The following PEX14 variants were observed in gnomAD, a reference collection of about 807,000 sequenced individuals.
PEX14 encodes peroxisomal membrane protein PEX14.
A neutral mutation model predicts 49.5 loss-of-function variants in PEX14; 15 were observed. The observed-to-expected ratio is 0.30, with a 90% confidence interval of 0.20 to 0.47. The LOEUF is 0.47. PEX14 is among the 20% of genes least tolerant of loss of function. The probability of loss-of-function intolerance (pLI) is 1.00; values close to 1 mark genes in which losing one functional copy is unlikely to be tolerated. For synonymous variants in PEX14, 210 were observed against 212.7 expected (o/e 0.99, Z 0.11); for missense variants, 398 against 494.8 (o/e 0.80, Z 1.86).
chr1:10,532,804 A>G (rs1334597461), intron 2 of PEX14, among the ~76,000 whole-genome samples: 2 of 152,202 alleles, frequency 1.3e-5, no homozygotes, highest in Admixed American at 6.5e-5. Context: ...ATCGAATCCA[A>G]CAAAAGCGTG....
intron 1 of PEX14, among the ~76,000 whole-genome samples, chr1:10,479,462 T>G (rs576423466): frequency 6.6e-6 from 1 of 152,168 alleles, no homozygotes; most frequent in Non-Finnish European, 1.5e-5. Context: ...TGATCTCTCA[T>G]TGAAGTCCTT....
At chr1:10,523,746 C>T (rs527665014) in intron 2 of PEX14, among the ~76,000 whole-genome samples, 2 of 150,678 alleles carry the variant, frequency 1.3e-5, no homozygotes. Flanking sequence ...TGTGTTTGCA[C>T]TCAAGACTAT....
In PEX14 at chr1:10,590,538, A is replaced by C. The variant is rs184172681; in HGVS notation, c.170-8700A>C. Among the ~76,000 whole-genome samples the C allele has an allele frequency of 4.6e-5, 7 of 152,320 alleles. No individual in the cohort carries two copies. The East Asian group carries it at 1.3e-3, about 29-fold the overall frequency. ...GAAACAGACAAAACTCATTCAACGTAAGAAACTGGGGGGTAGGGGTCCTAG... is the reference window on the plus strand; with the variant it reads ...GAAACAGACAAAACTCATTCAACGTCAGAAACTGGGGGGTAGGGGTCCTAG... On this transcript the variant is annotated intron_variant, in intron 3 of 8. Transcript: ENST00000356607.
At chr1:10,533,490 C>A (rs78820699) in intron 2 of PEX14, among the ~76,000 whole-genome samples, 4,121 of 152,182 alleles carry the variant, frequency 0.027, 195 homozygotes, top group African/African-American at 0.093. Context: ...ATTTTTCTTG[C>A]TTTTTTAAAA....
At position 10,577,562 on chromosome 1, in the gene PEX14, ATTTTTTTTT is replaced by A. The variant is rs1164876121; in HGVS notation, c.170-21636_170-21628del. 6.9e-3 allele frequency among the ~76,000 whole-genome samples: 43 copies of A among 6,230 alleles called. 2 individuals are homozygous for A. Among genetic ancestry groups the A allele is most frequent in the African/African-American group, 0.017 (36 of 2,160 alleles). The allele number at this position is 6,230 out of a possible 152,430, so 4.1% of individuals were successfully genotyped here. ...TATATATATATATATATATATATATATTTTTTTTTTTTTTTTTTTTTTTTTTTTTTTTTT... is the reference window on the plus strand; with the variant it reads ...TATATATATATATATATATATATATATTTTTTTTTTTTTTTTTTTTTTTTT... On this transcript the variant is annotated intron_variant, in intron 3 of 8. Coordinates refer to ENST00000356607, the MANE Select transcript of PEX14 (RefSeq NM_004565.3).
At chr1:10,537,341 A>ACCC (rs34410254) in intron 3 of PEX14, among the ~76,000 whole-genome samples, 2,818 of 28,010 alleles carry the variant, frequency 0.1, 460 homozygotes, top group South Asian at 0.38. Flanking sequence ...TTGTGCCAGC[A>ACCC]CCCCCCCCCC....
At chr1:10,546,227 C>T (rs1639166878) in intron 3 of PEX14, among the ~76,000 whole-genome samples, 2 of 151,966 alleles carry the variant, frequency 1.3e-5, no homozygotes, top group Admixed American at 6.6e-5. Context: ...CATAAGAATT[C>T]GTGCATCAGG....
intron 3 of PEX14, among the ~76,000 whole-genome samples, chr1:10,567,950 C>T (rs1639855541): frequency 6.6e-6 from 1 of 152,132 alleles, no homozygotes. Flanking sequence ...TTCGTTACTA[C>T]TTTGAATGGG....
chr1:10,619,304 CCT>C (rs1182779556), intron 5 of PEX14, among the ~76,000 whole-genome samples: 4 of 151,724 alleles, frequency 2.6e-5, no homozygotes, highest in Non-Finnish European at 4.4e-5. Context: ...CTCCTCCACC[CCT>C]GATTGGTGAT....
intron 3 of PEX14, among the ~76,000 whole-genome samples, chr1:10,571,491 A>T (rs1409240470): frequency 6.6e-6 from 1 of 152,044 alleles, no homozygotes; most frequent in Non-Finnish European, 1.5e-5. Flanking sequence ...AATGTACTTA[A>T]TATTGCTGAA....
chr1:10,610,635 G>A (rs907942712), intron 4 of PEX14, among the ~76,000 whole-genome samples: 8 of 152,080 alleles, frequency 5.3e-5, no homozygotes, highest in East Asian at 3.9e-4. Flanking sequence ...ATAGGCATGC[G>A]CTACCACGCC....
chr1:10,521,248 C>G (rs1359546796), intron 2 of PEX14, among the ~76,000 whole-genome samples: 1 of 151,864 alleles, frequency 6.6e-6, no homozygotes, highest in East Asian at 1.9e-4. Flanking sequence ...CTCTAACCTT[C>G]TCTTTCTCCT....
chr1:10,501,294 A>T (rs898526942), intron 2 of PEX14, among the ~76,000 whole-genome samples: 1 of 151,422 alleles, frequency 6.6e-6, no homozygotes, highest in Non-Finnish European at 1.5e-5. Context: ...CTATCAGTTT[A>T]TTTTTATTTT....
intron 1 of PEX14, among the ~76,000 whole-genome samples, chr1:10,480,867 A>ATT (rs749555236): frequency 6.9e-6 from 1 of 145,874 alleles, no homozygotes; most frequent in Non-Finnish European, 1.5e-5. Flanking sequence ...CTCTATATAT[A>ATT]TATTTTTTTT....
chr1:10,479,247 C>G (rs1337053084), intron 1 of PEX14, among the ~76,000 whole-genome samples: 1 of 152,044 alleles, frequency 6.6e-6, no homozygotes, highest in Non-Finnish European at 1.5e-5. Flanking sequence ...CATGGTAGTG[C>G]TTGCCTGTGG....
At chr1:10,480,869 A>G (rs55935829) in intron 1 of PEX14, among the ~76,000 whole-genome samples, 1 of 139,008 alleles carries the variant, frequency 7.2e-6, no homozygotes. Context: ...CTATATATAT[A>G]TTTTTTTTTT....
In PEX14 at chr1:10,624,512, C is replaced by T. The variant is rs984486479; in HGVS notation, c.585+75C>T. 144 of 1,030,620 alleles carry T rather than the reference C, an allele frequency of 1.4e-4. 1 individual carries two copies. The highest frequency in any genetic ancestry group is 2.4e-4 in the East Asian group (10 of 41,854). 63.8% of individuals were successfully genotyped at this position (1,030,620 alleles called of 1,614,324 possible). A position where few individuals can be genotyped will look rare whatever the true frequency, so the allele number is the denominator to read the frequency against. ...TGCCCTTCACTCTTGTCCCTTGGGC[C>T]GGGCTTGCCACCTTCGGGAGCTGGA... On this transcript the variant is annotated intron_variant, in intron 7 of 8. Transcript: ENST00000356607.
intron 6 of PEX14, among the ~76,000 whole-genome samples, chr1:10,624,053 A>G (rs1641672587): frequency 6.6e-6 from 1 of 152,228 alleles, no homozygotes; most frequent in Non-Finnish European, 1.5e-5. Flanking sequence ...GGGAGAGCTC[A>G]GCAAATCATA....
intron 1 of PEX14, among the ~76,000 whole-genome samples, chr1:10,482,165 A>G (rs182806459): frequency 4.6e-5 from 7 of 150,794 alleles, no homozygotes; most frequent in East Asian, 3.9e-4. Flanking sequence ...GTCTTGCTCT[A>G]TCACCCAGGC....
Sources: gnomAD v4.1 joint callset for allele counts (sites outside exome capture counted in the v4.1 genomes callset) on GRCh38, gnomAD v4.1.1 for gene constraint, MANE v1.5 for transcripts, NCBI Gene and HGNC (gene_info 2026-07-23, HGNC 2026-07-21) for gene names.